NLGN1: variants seen among roughly 807,000 people sequenced by gnomAD.
NLGN1 encodes the protein neuroligin-1.
NLGN1 carries 12 observed loss-of-function variants against 65.5 expected under a neutral mutation model. The ratio of observed to expected loss-of-function variants is 0.18; its 90% CI spans 0.12 to 0.30. The LOEUF (loss-of-function observed/expected upper bound fraction) is 0.30. Among genes scored for constraint, NLGN1 ranks in the 10% least tolerant of loss-of-function variants. The pLI is 1.00. For synonymous variants in NLGN1, 350 were observed against 359.5 expected, an observed-to-expected ratio of 0.97 and a Z score of 0.30; for missense variants, 750 against 1,007.1, an observed-to-expected ratio of 0.74 and a Z score of 3.46.
At chr3:174,019,424 A>T (rs552062837) in intron 4 of NLGN1, among the ~76,000 whole-genome samples, 1 of 152,252 alleles carries the variant, frequency 6.6e-6, no homozygotes, top group South Asian at 2.1e-4. Context: ...ATGTTATAAC[A>T]GTAAGAAGGC....
intron 1 of NLGN1, among the ~76,000 whole-genome samples, chr3:173,424,561 T>A (rs570163623): frequency 1.3e-5 from 2 of 152,354 alleles, no homozygotes; most frequent in African/African-American, 4.8e-5. Context: ...TAGAAATTTC[T>A]TCCAGCAGAT....
chr3:173,937,814 C>T (rs1264740100), intron 4 of NLGN1, among the ~76,000 whole-genome samples: 2 of 152,054 alleles, frequency 1.3e-5, no homozygotes, highest in African/African-American at 2.4e-5. Flanking sequence ...TCAAAAAATG[C>T]AAGGCAATTT....
chr3:174,161,050 A>G (rs1313033474), intron 4 of NLGN1, among the ~76,000 whole-genome samples: 1 of 151,838 alleles, frequency 6.6e-6, no homozygotes, highest in African/African-American at 2.4e-5. Flanking sequence ...TTGTCTTTCT[A>G]TAGTCATTTC....
Position 173,568,198 on chromosome 3 carries a change from CTTTCCTTTCCTTTCCT to C in NLGN1, c.-320-36056_-320-36041del, listed in dbSNP as rs1254063777. The stretch of plus-strand genomic sequence containing the variant: ...TCTTTCTTTTCTTCCCTTTTCTTTT[CTTTCCTTTCCTTTCCT>C]TTTCCTTTCCTTTCCTTTTCCTTTT... On this transcript the variant is annotated intron_variant, in intron 2 of 6. Coordinates refer to ENST00000457714, the Ensembl canonical transcript of NLGN1. Among the ~76,000 whole-genome samples, 402 of 105,416 alleles carry C rather than the reference CTTTCCTTTCCTTTCCT, an allele frequency of 3.8e-3. 1 individual carries two copies. The highest frequency in any genetic ancestry group is 5.1e-3 in the Non-Finnish European group (232 of 45,914). The allele number at this position is 105,416 out of a possible 152,430, so 69.2% of individuals were successfully genotyped here.
intron 2 of NLGN1, among the ~76,000 whole-genome samples, chr3:173,597,576 C>T (rs1027527666): frequency 1.3e-5 from 2 of 151,748 alleles, no homozygotes; most frequent in African/African-American, 4.8e-5. Context: ...CTAGTCTGTA[C>T]GTTTGATAAC....
intron 4 of NLGN1, among the ~76,000 whole-genome samples, chr3:173,946,259 C>G (rs542516312): frequency 6.6e-6 from 1 of 152,066 alleles, no homozygotes; most frequent in South Asian, 2.1e-4. Context: ...CAGAGATAAC[C>G]AATTTAATAT....
chr3:173,803,204 G>A (rs1042700534), intron 3 of NLGN1, among the ~76,000 whole-genome samples: 7 of 151,926 alleles, frequency 4.6e-5, no homozygotes, highest in African/African-American at 1.7e-4. Flanking sequence ...TGACAAAAAT[G>A]GTTCAAAGTA....
At chr3:173,776,264 A>G (rs551321333) in intron 3 of NLGN1, among the ~76,000 whole-genome samples, 3 of 152,034 alleles carry the variant, frequency 2.0e-5, no homozygotes, top group Non-Finnish European at 4.4e-5. Context: ...AACTGTGTCC[A>G]ACTGGCCTTA....
At chr3:173,749,933 T>C (rs369055483) in intron 3 of NLGN1, among the ~76,000 whole-genome samples, 34 of 152,206 alleles carry the variant, frequency 2.2e-4, no homozygotes, top group African/African-American at 7.7e-4. Context: ...TTGGATACTT[T>C]TCACTTATTC....
intron 4 of NLGN1, among the ~76,000 whole-genome samples, chr3:174,151,671 A>G (rs1205742964): frequency 6.6e-6 from 1 of 152,124 alleles, no homozygotes; most frequent in African/African-American, 2.4e-5. Context: ...TACTCAGATC[A>G]TTGTGTTATG....
intron 2 of NLGN1, among the ~76,000 whole-genome samples, chr3:173,500,183 T>G (rs1576996305): frequency 6.6e-6 from 1 of 152,150 alleles, no homozygotes; most frequent in African/African-American, 2.4e-5. Context: ...ATACTGGCTG[T>G]GGGTTTGTCA....
At chr3:173,835,543 T>C (rs1422885624) in intron 4 of NLGN1, among the ~76,000 whole-genome samples, 1 of 149,030 alleles carries the variant, frequency 6.7e-6, no homozygotes, top group African/African-American at 2.5e-5. Flanking sequence ...CATGTTAGTA[T>C]ATGTAATATA....
At chr3:173,808,699 T>G (rs893645480) in intron 4 of NLGN1, among the ~76,000 whole-genome samples, 4 of 152,176 alleles carry the variant, frequency 2.6e-5, no homozygotes, top group African/African-American at 9.6e-5. Flanking sequence ...TACTTAACTT[T>G]TTAATCTTAA....
chr3:173,621,031 A>G (rs1753906425), intron 3 of NLGN1, among the ~76,000 whole-genome samples: 1 of 152,178 alleles, frequency 6.6e-6, no homozygotes, highest in African/African-American at 2.4e-5. Flanking sequence ...CCGAGCATTT[A>G]CTGTGTGGCA....
chr3:173,608,836 C>T (rs188166481), intron 3 of NLGN1, among the ~76,000 whole-genome samples: 3 of 151,898 alleles, frequency 2.0e-5, no homozygotes, highest in East Asian at 1.9e-4. Context: ...ACTTAATGCT[C>T]ACCTTAATTG....
chr3:173,630,371 GTC>G (rs1459917969), intron 3 of NLGN1, among the ~76,000 whole-genome samples: 1 of 151,876 alleles, frequency 6.6e-6, no homozygotes, highest in Non-Finnish European at 1.5e-5. Context: ...TTGGGAATAA[GTC>G]TGCTACATTT....
chr3:173,946,696 G>A (rs564943283), intron 4 of NLGN1, among the ~76,000 whole-genome samples: 2 of 152,210 alleles, frequency 1.3e-5, no homozygotes, highest in African/African-American at 2.4e-5. Flanking sequence ...TTGTACTTCC[G>A]CTAGCAGAGA....
intron 3 of NLGN1, chr3:173,800,317 A>G: frequency 8.2e-7 from 1 of 1,216,982 alleles, no homozygotes; most frequent in Non-Finnish European, 1.1e-6. Flanking sequence ...AAACAGACAG[A>G]TGATTTAGGT....
At chr3:174,149,195 A>G (rs537603660) in intron 4 of NLGN1, among the ~76,000 whole-genome samples, 1 of 152,142 alleles carries the variant, frequency 6.6e-6, no homozygotes, top group Admixed American at 6.5e-5. Flanking sequence ...GTAGCATTAA[A>G]CCCACCTTTG....
Sources: gnomAD v4.1 joint callset for allele counts (sites outside exome capture counted in the v4.1 genomes callset) on GRCh38, gnomAD v4.1.1 for gene constraint, MANE v1.5 for transcripts, NCBI Gene and HGNC (gene_info 2026-07-23, HGNC 2026-07-21) for gene names.